Variants in USH2A observed in about 807,000 individuals in gnomAD.
USH2A encodes Usher syndrome 2A (autosomal recessive, mild).
Under a neutral mutation model 538.9 loss-of-function variants are expected in USH2A, and 443 were observed. The observed-to-expected ratio is 0.82, with a 90% CI of 0.76 to 0.89. The LOEUF is 0.89. USH2A is among the 40% of genes least tolerant of loss of function. The pLI is 0.00. For missense variants in USH2A, 6,633 were observed against 6,324.8 expected (o/e 1.05, Z -1.65); for synonymous variants, 2,413 against 2,273.5 (o/e 1.06, Z -1.75).
At chr1:215,648,132 A>G (rs1241355263) in intron 66 of USH2A, among the ~76,000 whole-genome samples, 1 of 152,212 alleles carries the variant, frequency 6.6e-6, no homozygotes, top group East Asian at 1.9e-4. Flanking sequence ...GTTTATGACA[A>G]TATTTTAAAT....
chr1:216,199,161 A>G (rs1030997295), intron 17 of USH2A, among the ~76,000 whole-genome samples: 24 of 152,212 alleles, frequency 1.6e-4, no homozygotes, highest in Admixed American at 1.6e-3. Context: ...TCTGGCCTAT[A>G]TAACCAAGGG....
At chr1:216,008,017 A>G (rs944499186) in intron 32 of USH2A, among the ~76,000 whole-genome samples, 1 of 152,214 alleles carries the variant, frequency 6.6e-6, no homozygotes, top group African/African-American at 2.4e-5. Flanking sequence ...CCACACAGAC[A>G]AGATTTTCAG....
intron 58 of USH2A, among the ~76,000 whole-genome samples, chr1:215,752,486 C>T (rs889602633): frequency 4.6e-5 from 7 of 152,256 alleles, no homozygotes; most frequent in Non-Finnish European, 1.0e-4. Flanking sequence ...TGGATGATCT[C>T]TTTACAGCAA....
chr1:216,193,156 AG>A (rs369295046), intron 19 of USH2A, among the ~76,000 whole-genome samples: 119 of 152,290 alleles, frequency 7.8e-4, no homozygotes, highest in African/African-American at 2.7e-3. Flanking sequence ...TAGTTTATAA[AG>A]CCAGAGAATA....
chr1:215,781,941 G>T, intron 54 of USH2A, 101 bp downstream of exon 54: 1 of 1,503,886 alleles, frequency 6.6e-7, no homozygotes, highest in Non-Finnish European at 9.2e-7. Flanking sequence ...CTTTGAGGAG[G>T]GACATTGTTT....
At chr1:215,739,707 T>A (rs767399026) in intron 60 of USH2A, among the ~76,000 whole-genome samples, 4 of 152,248 alleles carry the variant, frequency 2.6e-5, no homozygotes, top group Admixed American at 2.0e-4. Flanking sequence ...GAAATTTGGC[T>A]TGTTCATTTT....
chr1:215,906,164 G>T (rs1344015338), intron 38 of USH2A, among the ~76,000 whole-genome samples: 1 of 152,048 alleles, frequency 6.6e-6, no homozygotes. Context: ...CAAATGGACA[G>T]TCAACCTTGA....
At chr1:215,960,646 A>G (rs1667175581) in intron 37 of USH2A, among the ~76,000 whole-genome samples, 1 of 152,112 alleles carries the variant, frequency 6.6e-6, no homozygotes, top group Non-Finnish European at 1.5e-5. Context: ...GTAGAATCCC[A>G]TAGAAAAGTG....
chr1:216,052,957 A>G (rs556463422), intron 30 of USH2A, among the ~76,000 whole-genome samples: 23 of 152,268 alleles, frequency 1.5e-4, no homozygotes, highest in Non-Finnish European at 2.9e-4. Flanking sequence ...TAGATTAGGT[A>G]CTCTCTGGAA....
At chr1:215,903,845 T>C (rs1183670551) in intron 38 of USH2A, among the ~76,000 whole-genome samples, 2 of 152,140 alleles carry the variant, frequency 1.3e-5, no homozygotes, top group African/African-American at 4.8e-5. Context: ...GTGGCATGAC[T>C]AGAAAGTGCA....
At chr1:215,766,372 G>C (rs1448268051) in intron 56 of USH2A, among the ~76,000 whole-genome samples, 1 of 152,118 alleles carries the variant, frequency 6.6e-6, no homozygotes, top group Admixed American at 6.5e-5. Flanking sequence ...CTTCAGCAGT[G>C]AGCATGGTGC....
At chr1:215,663,601 G>A (rs903322697) in intron 64 of USH2A, among the ~76,000 whole-genome samples, 8 of 152,094 alleles carry the variant, frequency 5.3e-5, no homozygotes, top group South Asian at 2.1e-4. Context: ...TGTAGGAGGT[G>A]GGCCCTGCGA....
At chr1:216,398,001 C>T (rs1235827708) in intron 3 of USH2A, among the ~76,000 whole-genome samples, 1 of 152,198 alleles carries the variant, frequency 6.6e-6, no homozygotes, top group African/African-American at 2.4e-5. Context: ...GAATAGACTT[C>T]GCAATATTTG....
In USH2A at chr1:215,634,660, G is replaced by A; in HGVS notation, c.15096C>T (p.Ser5032=). The change falls in exon 70 of 72, where the codon AGC becomes AGT. Residue 5032 remains serine (S), a synonymous_variant. Transcript: ENST00000307340. Reference sequence around the variant, plus strand: ...GCTCGCTGTAGAACTCTGTGCTTTTGCTCCGCGATCCCTTCTTTTTCCCAG... The same window carrying A: ...GCTCGCTGTAGAACTCTGTGCTTTTACTCCGCGATCCCTTCTTTTTCCCAG... The part of the protein sequence containing the change: ...TTPGKKKGSR[S]KSTEFYSELW... The A allele has an allele frequency of 6.2e-7, 1 of 1,614,200 alleles. No individual in the cohort carries two copies. Among genetic ancestry groups the A allele is most frequent in the Non-Finnish European group, 8.5e-7 (1 of 1,180,040 alleles).
intron 9 of USH2A, among the ~76,000 whole-genome samples, chr1:216,315,999 C>G (rs1167939245): frequency 6.6e-6 from 1 of 151,254 alleles, no homozygotes; most frequent in African/African-American, 2.4e-5. Flanking sequence ...TTTTTTCATT[C>G]TTGGAAAGAA....
At chr1:215,910,198 G>C (rs1665744416) in intron 38 of USH2A, among the ~76,000 whole-genome samples, 1 of 151,876 alleles carries the variant, frequency 6.6e-6, no homozygotes, top group Non-Finnish European at 1.5e-5. Context: ...AGATAATCCT[G>C]AACATTTCAC....
intron 26 of USH2A, among the ~76,000 whole-genome samples, chr1:216,080,363 G>A (rs2031901070): frequency 6.6e-6 from 1 of 151,824 alleles, no homozygotes; most frequent in African/African-American, 2.4e-5. Flanking sequence ...AATCAGTAGG[G>A]AAGAATAAGA....
At chr1:215,958,240 CCTT>C (rs1311911954) in intron 37 of USH2A, among the ~76,000 whole-genome samples, 1 of 151,968 alleles carries the variant, frequency 6.6e-6, no homozygotes, top group Non-Finnish European at 1.5e-5. Flanking sequence ...CTCTGGGTAA[CCTT>C]GAAAAATCAA....
At chr1:216,243,543 A>G (rs1194027192) in intron 13 of USH2A, among the ~76,000 whole-genome samples, 1 of 152,174 alleles carries the variant, frequency 6.6e-6, no homozygotes, top group Non-Finnish European at 1.5e-5. Flanking sequence ...GTATGGATAT[A>G]CAAAGCAGCT....
Sources: gnomAD v4.1 joint callset for allele counts (sites outside exome capture counted in the v4.1 genomes callset) on GRCh38, gnomAD v4.1.1 for gene constraint, MANE v1.5 for transcripts, NCBI Gene and HGNC (gene_info 2026-07-23, HGNC 2026-07-21) for gene names.